The following SEC23A variants were observed in gnomAD, a reference collection of about 807,000 sequenced individuals.
SEC23A encodes SEC23 homolog A, COPII component.
Under a neutral mutation model 103.7 loss-of-function variants are expected in SEC23A, and 56 were observed. The observed-to-expected ratio is 0.54, with a 90% confidence interval of 0.44 to 0.67. SEC23A has a LOEUF of 0.67. Among genes scored for constraint, SEC23A ranks in the 30% least tolerant of loss-of-function variants. The probability of loss-of-function intolerance (pLI) is 0.00; values close to 1 mark genes in which losing one functional copy is unlikely to be tolerated. For synonymous variants in SEC23A, 281 were observed against 293.0 expected (o/e 0.96, Z 0.42); for missense variants, 784 against 936.4 (o/e 0.84, Z 2.12).
intron 3 of SEC23A, 69 bp from the exon 4 acceptor site, chr14:39,092,696 A>G (rs1275610789): frequency 2.3e-6 from 2 of 869,668 alleles, no homozygotes; most frequent in Non-Finnish European, 3.7e-6. Context: ...AATTTTAAAC[A>G]AAGTATTTCC....
intron 19 of SEC23A, among the ~76,000 whole-genome samples, chr14:39,034,384 C>G (rs947701694): frequency 4.6e-5 from 7 of 152,178 alleles, no homozygotes; most frequent in Non-Finnish European, 7.3e-5. Flanking sequence ...AGAACAGTAC[C>G]TAGTACACAC....
intron 5 of SEC23A, 119 bp from the exon 6 acceptor site, chr14:39,087,127 G>A (rs1887472741): frequency 2.9e-6 from 2 of 692,328 alleles, no homozygotes; most frequent in Admixed American, 4.5e-5. Context: ...AAAATACAAG[G>A]TCTCCTTCCT....
intron 10 of SEC23A, among the ~76,000 whole-genome samples, chr14:39,066,876 T>C (rs1403189696): frequency 6.6e-6 from 1 of 151,880 alleles, no homozygotes; most frequent in East Asian, 1.9e-4. Context: ...AAAAAGAAGA[T>C]AAAACATACT....
At chr14:39,100,302 T>C (rs182308899) in intron 1 of SEC23A, among the ~76,000 whole-genome samples, 7 of 152,254 alleles carry the variant, frequency 4.6e-5, no homozygotes, top group Admixed American at 2.6e-4. Flanking sequence ...CACCTTTCCA[T>C]AGTAGGAGTC....
intron 1 of SEC23A, among the ~76,000 whole-genome samples, chr14:39,101,636 A>G (rs995382158): frequency 1.3e-5 from 2 of 151,848 alleles, no homozygotes; most frequent in African/African-American, 4.8e-5. Flanking sequence ...AAAAAAAAAA[A>G]CAAAAAAGAC....
intron 9 of SEC23A, among the ~76,000 whole-genome samples, chr14:39,071,655 G>C (rs186341529): frequency 1.3e-5 from 2 of 152,236 alleles, no homozygotes; most frequent in African/African-American, 4.8e-5. Context: ...ACAAGGACAG[G>C]AGTTCAAGAC....
chr14:39,098,917 C>T (rs1285676611), intron 1 of SEC23A, among the ~76,000 whole-genome samples: 2 of 150,220 alleles, frequency 1.3e-5, no homozygotes, highest in African/African-American at 4.9e-5. Flanking sequence ...AAATAAAATG[C>T]ATCTAAAACA....
At chr14:39,048,409 T>C (rs1885921827) in intron 15 of SEC23A, among the ~76,000 whole-genome samples, 2 of 150,074 alleles carry the variant, frequency 1.3e-5, no homozygotes, top group Non-Finnish European at 3.0e-5. Flanking sequence ...AGGCTAAGAG[T>C]TCAAGACCAG....
At chr14:39,095,193 T>G (rs1282213907) in intron 2 of SEC23A, among the ~76,000 whole-genome samples, 1 of 151,986 alleles carries the variant, frequency 6.6e-6, no homozygotes, top group African/African-American at 2.4e-5. Flanking sequence ...GTGGATTGGC[T>G]GGGGGGAGAG....
chr14:39,058,793 T>G lies in SEC23A; in HGVS notation c.1505+2972A>C, dbSNP rs118071385. On this transcript the variant is annotated intron_variant, in intron 13 of 19. Coordinates refer to ENST00000307712, the MANE Select transcript of SEC23A (RefSeq NM_006364.4). ...TAATGCAATTTAAAGACTTCATGATTATACTAATAGTTTGGTTTAGTGTTT... is the reference window on the plus strand; with the variant it reads ...TAATGCAATTTAAAGACTTCATGATGATACTAATAGTTTGGTTTAGTGTTT... Among the ~76,000 whole-genome samples, 67 of 152,362 alleles carry G rather than the reference T, an allele frequency of 4.4e-4. 3 individuals are homozygous for G. The East Asian group carries it at 0.013, about 29-fold the overall frequency.
At chr14:39,068,785 TA>T (rs1886754775) in intron 9 of SEC23A, among the ~76,000 whole-genome samples, 1 of 152,190 alleles carries the variant, frequency 6.6e-6, no homozygotes, top group South Asian at 2.1e-4. Flanking sequence ...AATCAAAAAT[TA>T]AAATAGGCAA....
chr14:39,077,590 G>A (rs374693405), intron 7 of SEC23A, among the ~76,000 whole-genome samples: 41 of 151,330 alleles, frequency 2.7e-4, no homozygotes, highest in South Asian at 6.3e-4. Flanking sequence ...GAGAGAGAGA[G>A]AAAAAAAAGT....
At chr14:39,061,698 T>A in intron 13 of SEC23A, 67 bp downstream of exon 13, 1 of 1,040,604 alleles carries the variant, frequency 9.6e-7, no homozygotes, top group South Asian at 1.3e-5. Context: ...AAAATAGGAA[T>A]CCAGTTTGGA....
At chr14:39,061,702 G>T in intron 13 of SEC23A, 63 bp downstream of exon 13, 1 of 1,123,830 alleles carries the variant, frequency 8.9e-7, no homozygotes, top group Non-Finnish European at 1.4e-6. Context: ...TAGGAATCCA[G>T]TTTGGAAACA....
At chr14:39,092,975 T>C (rs1887712994) in intron 3 of SEC23A, 1 of 488,982 alleles carries the variant, frequency 2.0e-6, no homozygotes, top group East Asian at 3.8e-5. Flanking sequence ...GCCATTCTCC[T>C]GCCTCAGCCT....
chr14:39,089,857 G>A (rs1294101127), intron 5 of SEC23A, among the ~76,000 whole-genome samples: 1 of 152,206 alleles, frequency 6.6e-6, no homozygotes, highest in Non-Finnish European at 1.5e-5. Context: ...TCGAGAGGCT[G>A]AGGCAGGAGA....
chr14:39,041,953 T>C (rs1248990123), intron 17 of SEC23A, among the ~76,000 whole-genome samples: 1 of 152,158 alleles, frequency 6.6e-6, no homozygotes, highest in Non-Finnish European at 1.5e-5. Flanking sequence ...ACAAATCTTT[T>C]CTAAAAATTT....
At chr14:39,038,332 G>C (rs1011515684) in intron 19 of SEC23A, among the ~76,000 whole-genome samples, 1 of 152,004 alleles carries the variant, frequency 6.6e-6, no homozygotes, top group African/African-American at 2.4e-5. Flanking sequence ...ATACTTCATA[G>C]CTTTCTAAGG....
intron 6 of SEC23A, among the ~76,000 whole-genome samples, chr14:39,086,473 T>A (rs763577150): frequency 6.6e-6 from 1 of 151,862 alleles, no homozygotes; most frequent in Non-Finnish European, 1.5e-5. Context: ...AATACAAAAA[T>A]TAGCCAGGCA....
Sources: allele counts gnomAD v4.1 joint callset (sites outside exome capture counted in the v4.1 genomes callset), GRCh38; gene constraint gnomAD v4.1.1; transcripts MANE v1.5; gene names NCBI Gene and HGNC (gene_info 2026-07-23, HGNC 2026-07-21).